Variants in TBL1XR1 observed in about 807,000 individuals in gnomAD.
The protein encoded by TBL1XR1 is F-box-like/WD repeat-containing protein TBL1XR1.
In TBL1XR1, 5 loss-of-function variants were observed where a neutral mutation model predicts 66.9. The ratio of observed to expected loss-of-function variants is 0.07; its 90% CI spans 0.04 to 0.16. TBL1XR1 has a LOEUF of 0.16. TBL1XR1 is among the 10% of genes least tolerant of loss of function. The pLI is 1.00. For synonymous variants in TBL1XR1, 210 were observed against 206.0 expected, an observed-to-expected ratio of 1.02 and a Z score of -0.17; for missense variants, 238 against 623.2, an observed-to-expected ratio of 0.38 and a Z score of 6.58.
chr3:177,047,911 A>G (rs1231854731), intron 7 of TBL1XR1: 1 of 197,678 alleles, frequency 5.1e-6, no homozygotes, highest in Non-Finnish European at 1.0e-5. Flanking sequence ...TCTTACAATG[A>G]TTTATTAGAA....
At chr3:177,044,328 T>C (rs966328380) in intron 10 of TBL1XR1, among the ~76,000 whole-genome samples, 2 of 152,184 alleles carry the variant, frequency 1.3e-5, no homozygotes, top group African/African-American at 2.4e-5. Flanking sequence ...CACATAGCTT[T>C]TGACTCCCCA....
At chr3:177,127,710 GAAACACTATT>G (rs1320852475) in intron 1 of TBL1XR1, among the ~76,000 whole-genome samples, 1 of 152,164 alleles carries the variant, frequency 6.6e-6, no homozygotes, top group African/African-American at 2.4e-5. Flanking sequence ...TTCACTGTCT[GAAACACTATT>G]GAGTCACTTT....
intron 1 of TBL1XR1, among the ~76,000 whole-genome samples, chr3:177,129,029 T>C (rs571986681): frequency 3.3e-5 from 5 of 152,352 alleles, no homozygotes; most frequent in Admixed American, 6.5e-5. Context: ...CGGTCATTTT[T>C]AGAGGTGGTT....
chr3:177,065,937 AT>A (rs906567552), intron 2 of TBL1XR1, among the ~76,000 whole-genome samples: 16 of 151,562 alleles, frequency 1.1e-4, no homozygotes, highest in East Asian at 3.9e-4. Flanking sequence ...TATTCTTCTG[AT>A]TTTTTTTTCC....
intron 1 of TBL1XR1, among the ~76,000 whole-genome samples, chr3:177,164,195 G>C (rs978622880): frequency 6.6e-6 from 1 of 152,022 alleles, no homozygotes; most frequent in Admixed American, 6.6e-5. Context: ...ATTGTGGCTT[G>C]GTTAGGACTC....
chr3:177,131,309 G>C (rs766504784), intron 1 of TBL1XR1: 1 of 983,692 alleles, frequency 1.0e-6, no homozygotes, highest in African/African-American at 1.7e-5. Context: ...ACCCTTAAGA[G>C]AGAGTCCAGG....
chr3:177,082,996 G>A (rs1391515919), intron 2 of TBL1XR1, among the ~76,000 whole-genome samples: 1 of 151,226 alleles, frequency 6.6e-6, no homozygotes, highest in Non-Finnish European at 1.5e-5. Flanking sequence ...CTGACCTCGT[G>A]ATCCATCCGT....
chr3:177,129,990 C>T (rs1728089257), intron 1 of TBL1XR1, among the ~76,000 whole-genome samples: 1 of 151,914 alleles, frequency 6.6e-6, no homozygotes, highest in African/African-American at 2.4e-5. Context: ...ACTAAAAATA[C>T]AACAATTAGC....
At chr3:177,131,735 C>T (rs1318830271) in intron 1 of TBL1XR1, among the ~76,000 whole-genome samples, 3 of 151,864 alleles carry the variant, frequency 2.0e-5, no homozygotes, top group Admixed American at 6.6e-5. Context: ...CTCCTGGCCT[C>T]GAGTGATCCA....
intron 1 of TBL1XR1, among the ~76,000 whole-genome samples, chr3:177,100,358 A>G (rs1724046243): frequency 6.6e-6 from 1 of 152,232 alleles, no homozygotes; most frequent in African/African-American, 2.4e-5. Flanking sequence ...GTTTTACATC[A>G]TTAACTAGTA....
At chr3:177,055,629 T>C (rs971308674) in intron 3 of TBL1XR1, among the ~76,000 whole-genome samples, 2 of 151,894 alleles carry the variant, frequency 1.3e-5, no homozygotes, top group African/African-American at 2.4e-5. Context: ...TATCTGAATA[T>C]GAGTAGATTC....
At chr3:177,048,084 C>A (rs1343822186) in intron 7 of TBL1XR1, among the ~76,000 whole-genome samples, 1 of 151,982 alleles carries the variant, frequency 6.6e-6, no homozygotes, top group African/African-American at 2.4e-5. Context: ...ATTATTAATC[C>A]CTTCCCACTA....
intron 2 of TBL1XR1, among the ~76,000 whole-genome samples, chr3:177,082,931 G>GT (rs1185079936): frequency 6.6e-6 from 1 of 150,432 alleles, no homozygotes; most frequent in Non-Finnish European, 1.5e-5. Flanking sequence ...AATTTTTTCT[G>GT]TATCTTTTAG....
intron 1 of TBL1XR1, among the ~76,000 whole-genome samples, chr3:177,141,029 A>G (rs2108818843): frequency 6.6e-6 from 1 of 152,324 alleles, no homozygotes; most frequent in African/African-American, 2.4e-5. Context: ...ATCTTGTAAA[A>G]ATAATAATAT....
At chr3:177,133,443 T>C (rs1040395977) in intron 1 of TBL1XR1, among the ~76,000 whole-genome samples, 6 of 152,226 alleles carry the variant, frequency 3.9e-5, no homozygotes, top group African/African-American at 1.4e-4. Flanking sequence ...GCTCACTTTT[T>C]ACACCAGGTG....
chr3:177,178,369 C>G (rs1333213945), intron 1 of TBL1XR1, among the ~76,000 whole-genome samples: 1 of 152,072 alleles, frequency 6.6e-6, no homozygotes, highest in African/African-American at 2.4e-5. Context: ...TCTGTGCACT[C>G]TATAAAACAA....
intron 1 of TBL1XR1, among the ~76,000 whole-genome samples, chr3:177,161,763 G>A (rs777330125): frequency 9.5e-5 from 14 of 147,956 alleles, no homozygotes; most frequent in Non-Finnish European, 1.8e-4. Context: ...CAGCTTGGGT[G>A]ACAGAGTGAG....
At chr3:177,114,666 A>T (rs1726082068) in intron 1 of TBL1XR1, among the ~76,000 whole-genome samples, 1 of 151,258 alleles carries the variant, frequency 6.6e-6, no homozygotes, top group Non-Finnish European at 1.5e-5. Flanking sequence ...TCACTTTTTT[A>T]AAATTAAAAA....
Position 177,024,812 on chromosome 3 carries a change from G to A in TBL1XR1, c.*686C>T, listed in dbSNP as rs1040881858. 7 of 151,734 alleles carry A rather than the reference G, an allele frequency of 4.6e-5. No homozygotes were observed. The highest frequency in any genetic ancestry group is 1.7e-4 in the African/African-American group (7 of 41,212). The allele number at this position is 151,734 out of a possible 1,614,324, so 9.4% of individuals were successfully genotyped here. On this transcript the variant is annotated 3_prime_UTR_variant, in exon 16 of 16. Coordinates refer to ENST00000457928, the MANE Select transcript of TBL1XR1 (RefSeq NM_024665.7). ...CAGATTGACATGACCAAAGTCATAG[G>A]TTTTCATTTAATTTCCAATTCCCCC... is the stretch of plus-strand genomic sequence containing the variant.
Sources: allele counts gnomAD v4.1 joint callset (sites outside exome capture counted in the v4.1 genomes callset), GRCh38; gene constraint gnomAD v4.1.1; transcripts MANE v1.5; gene names NCBI Gene and HGNC (gene_info 2026-07-23, HGNC 2026-07-21).